CASP9: variants seen among roughly 807,000 people sequenced by gnomAD.
CASP9 encodes caspase 9.
Under a neutral mutation model 43.5 loss-of-function variants are expected in CASP9, and 29 were observed. That is an observed-to-expected ratio of 0.67 (90% confidence interval 0.50 to 0.91). The LOEUF is 0.91. Ranked by LOEUF, CASP9 falls within the 40% of genes least tolerant of loss-of-function variation. The probability of loss-of-function intolerance (pLI) is 0.00; values close to 1 mark genes in which losing one functional copy is unlikely to be tolerated. For missense variants in CASP9, 575 were observed against 537.4 expected (o/e 1.07, Z -0.69); for synonymous variants, 206 against 211.9 (o/e 0.97, Z 0.24).
intron 2 of CASP9, among the ~76,000 whole-genome samples, chr1:15,517,711 G>C (rs544095733): frequency 3.5e-4 from 53 of 152,238 alleles, no homozygotes; most frequent in African/African-American, 1.1e-3. Flanking sequence ...GCAGATGTCT[G>C]TTTGTATGGG....
intron 7 of CASP9, among the ~76,000 whole-genome samples, chr1:15,494,426 G>A (rs1239213958): frequency 2.6e-5 from 4 of 152,082 alleles, no homozygotes; most frequent in South Asian, 4.1e-4. Flanking sequence ...TTAGCTGGGT[G>A]TGGTGATGCA....
At chr1:15,503,588 G>A (rs1709409879) in intron 6 of CASP9, among the ~76,000 whole-genome samples, 1 of 152,208 alleles carries the variant, frequency 6.6e-6, no homozygotes, top group East Asian at 1.9e-4. Flanking sequence ...ACACTTACTG[G>A]ATGAATGATG....
intron 2 of CASP9, among the ~76,000 whole-genome samples, chr1:15,508,914 A>T (rs1709628486): frequency 6.6e-6 from 1 of 152,210 alleles, no homozygotes; most frequent in South Asian, 2.1e-4. Flanking sequence ...GCAACATGGC[A>T]CTGGCCAGGT....
Position 15,492,853 on chromosome 1 carries a change from G to C in CASP9, c.*90C>G. 6.5e-7 allele frequency: 1 copy of C among 1,546,174 alleles called. No individual in the cohort carries two copies. Among genetic ancestry groups the C allele is most frequent in the Non-Finnish European group, 8.7e-7 (1 of 1,149,736 alleles). ...CCTGTGCCGGCTGCAAAGTCCTTGA[G>C]TTGCAGGAAAGTCCAGGCCTCAGCC... On this transcript the variant is annotated 3_prime_UTR_variant, in exon 9 of 9. Coordinates refer to ENST00000333868, the MANE Select transcript of CASP9 (RefSeq NM_001229.5).
At chr1:15,506,186 C>T (rs1468204889) in intron 4 of CASP9, 107 bp from the exon 5 acceptor site, 11 of 737,330 alleles carry the variant, frequency 1.5e-5, no homozygotes, top group Admixed American at 6.6e-5. Flanking sequence ...TGGTGGTTCA[C>T]GCCTGTAATC....
chr1:15,504,377 T>C (rs1356087454), intron 6 of CASP9, among the ~76,000 whole-genome samples: 1 of 152,250 alleles, frequency 6.6e-6, no homozygotes, highest in African/African-American at 2.4e-5. Context: ...CCAAAGTTAC[T>C]TGAGCCCATG....
In CASP9 at chr1:15,495,313, G is replaced by C. The variant is rs1302303469; in HGVS notation, c.1008C>G (p.Pro336=). The change falls in exon 7 of 9, where the codon CCC becomes CCG. Residue 336 remains proline (P), a synonymous_variant. Coordinates refer to ENST00000333868, the MANE Select transcript of CASP9 (RefSeq NM_001229.5). ...AGGACACAAAGATGTCACTGGGTGT[G>C]GGCAAACTAGATATGGCGTCCAGCT... ...FDQLDAISSL[P]TPSDIFVSYS... 2 of 1,611,386 alleles carry C rather than the reference G, an allele frequency of 1.2e-6. No homozygotes were observed.
At chr1:15,515,194 G>A (rs1162290417) in intron 2 of CASP9, among the ~76,000 whole-genome samples, 1 of 152,144 alleles carries the variant, frequency 6.6e-6, no homozygotes, top group Non-Finnish European at 1.5e-5. Flanking sequence ...ACATTTCCCA[G>A]AACCAAATAA....
rs181559888 is a variant in CASP9 at position 15,502,296 on chromosome 1, A to G, written c.868+2315T>C. 2.0e-3 allele frequency among the ~76,000 whole-genome samples: 303 copies of G among 152,270 alleles called. 1 individual carries two copies. Among genetic ancestry groups the G allele is most frequent in the Non-Finnish European group, 3.4e-3 (233 of 68,012 alleles). ...AAAGGGGGTGTTTAGGGAAGTGACA[A>G]TAAATTGTAACCAGAAGGATGGATG... On this transcript the variant is annotated intron_variant, in intron 6 of 8. Coordinates refer to ENST00000333868, the MANE Select transcript of CASP9 (RefSeq NM_001229.5).
chr1:15,520,487 C>T (rs890773830), intron 1 of CASP9, among the ~76,000 whole-genome samples: 5 of 152,194 alleles, frequency 3.3e-5, no homozygotes, highest in African/African-American at 9.7e-5. Context: ...GCTAATATAA[C>T]TTAGGAATAA....
At chr1:15,507,756 G>T in intron 3 of CASP9, 117 bp downstream of exon 3, 2 of 933,418 alleles carry the variant, frequency 2.1e-6, no homozygotes, top group Non-Finnish European at 3.4e-6. Context: ...GACCCCCACT[G>T]CACTGCCTAG....
chr1:15,498,780 C>T (rs990165676), intron 6 of CASP9, among the ~76,000 whole-genome samples: 4 of 134,614 alleles, frequency 3.0e-5, no homozygotes, highest in East Asian at 2.1e-4. Flanking sequence ...GACAGAGTCT[C>T]GCTCTGTCAT....
At chr1:15,502,588 A>C (rs917819471) in intron 6 of CASP9, among the ~76,000 whole-genome samples, 1 of 152,178 alleles carries the variant, frequency 6.6e-6, no homozygotes, top group Non-Finnish European at 1.5e-5. Flanking sequence ...AGGCTGGGGA[A>C]GGTGAAGTGG....
intron 6 of CASP9, among the ~76,000 whole-genome samples, chr1:15,503,170 T>C (rs1226331131): frequency 1.3e-5 from 2 of 152,138 alleles, no homozygotes; most frequent in South Asian, 2.1e-4. Flanking sequence ...GCAGATTGCT[T>C]GAACCCAGGA....
intron 2 of CASP9, among the ~76,000 whole-genome samples, chr1:15,514,428 AT>A (rs1362115182): frequency 1.3e-5 from 2 of 152,152 alleles, no homozygotes; most frequent in African/African-American, 4.8e-5. Flanking sequence ...CTTGGGAAAC[AT>A]TCCCATGCAG....
upstream of CASP9, chr1:15,524,315 C>T (rs1380633689): frequency 1.2e-5 from 17 of 1,456,584 alleles, no homozygotes; most frequent in African/African-American, 1.5e-5. Flanking sequence ...GTCACGGCCC[C>T]GGGTCAGTCT....
At chr1:15,507,669 C>T (rs1709578027) in intron 3 of CASP9, 1 of 585,054 alleles carries the variant, frequency 1.7e-6, no homozygotes, top group Non-Finnish European at 3.1e-6. Context: ...CTGCTGTCAG[C>T]TTTGCAGATG....
chr1:15,497,324 AAAAGAAAG>A lies in CASP9; in HGVS notation c.869-1880_869-1873del, dbSNP rs1316205152. Among the ~76,000 whole-genome samples the A allele has an allele frequency of 9.3e-4, 124 of 133,332 alleles. 2 individuals carry two copies. In the East Asian group the frequency reaches 0.023, roughly 25 times the overall value. 87.5% of individuals were successfully genotyped at this position (133,332 alleles called of 152,430 possible). ...GGACTCCATCTAAAAAAAAAAAAAA[AAAAGAAAG>A]AAAGAAAGAAAGAAAAATAAAGAAG... On this transcript the variant is annotated intron_variant, in intron 6 of 8. Coordinates refer to ENST00000333868, the MANE Select transcript of CASP9 (RefSeq NM_001229.5).
intron 1 of CASP9, among the ~76,000 whole-genome samples, chr1:15,521,110 T>C (rs1305850773): frequency 2.0e-5 from 3 of 146,612 alleles, no homozygotes; most frequent in African/African-American, 7.7e-5. Flanking sequence ...TGAGCCGAGA[T>C]TGCGGCACTG....
Sources: gnomAD v4.1 joint callset for allele counts (sites outside exome capture counted in the v4.1 genomes callset) on GRCh38, gnomAD v4.1.1 for gene constraint, MANE v1.5 for transcripts, NCBI Gene and HGNC (gene_info 2026-07-23, HGNC 2026-07-21) for gene names.